Variants in ADARB2 observed in about 807,000 individuals in gnomAD.
ADARB2 encodes inactive double-stranded RNA-specific editase B2.
ADARB2 carries 25 observed loss-of-function variants against 62.2 expected under a neutral mutation model. That is an observed-to-expected ratio of 0.40 (90% CI 0.29 to 0.56). The LOEUF (loss-of-function observed/expected upper bound fraction) is 0.56, where lower values mean the gene tolerates loss of function less well. ADARB2 is among the 20% of genes least tolerant of loss of function. The probability of loss-of-function intolerance (pLI) is 0.43; values close to 1 mark genes in which losing one functional copy is unlikely to be tolerated. For missense variants in ADARB2, 1,071 were observed against 1,077.4 expected (o/e 0.99, Z 0.08); for synonymous variants, 572 against 500.8 (o/e 1.14, Z -1.90).
intron 3 of ADARB2, among the ~76,000 whole-genome samples, chr10:1,324,140 T>A (rs1020524314): frequency 6.6e-6 from 1 of 152,196 alleles, no homozygotes; most frequent in South Asian, 2.1e-4. Flanking sequence ...GATAGGCACA[T>A]GATAAGATGC....
chr10:1,720,174 CTG>C (rs894136029), intron 1 of ADARB2, among the ~76,000 whole-genome samples: 2 of 152,204 alleles, frequency 1.3e-5, no homozygotes, highest in African/African-American at 4.8e-5. Context: ...TCCACATACA[CTG>C]TGGAATATAA....
chr10:1,621,200 GA>G (rs1833700199), intron 1 of ADARB2, among the ~76,000 whole-genome samples: 1 of 152,146 alleles, frequency 6.6e-6, no homozygotes, highest in South Asian at 2.1e-4. Context: ...TAGATGACAT[GA>G]ACATCTATGT....
intron 4 of ADARB2, among the ~76,000 whole-genome samples, chr10:1,268,957 ATT>A (rs1237468964): frequency 2.0e-5 from 3 of 152,188 alleles, no homozygotes; most frequent in Non-Finnish European, 2.9e-5. Flanking sequence ...AACTTGCCAG[ATT>A]TGTTTCCCAG....
chr10:1,425,164 T>G (rs1455361076), intron 1 of ADARB2, among the ~76,000 whole-genome samples: 1 of 152,142 alleles, frequency 6.6e-6, no homozygotes, highest in Non-Finnish European at 1.5e-5. Context: ...TGGTCAAAGG[T>G]AACAAGCATT....
At chr10:1,681,194 T>C (rs563910530) in intron 1 of ADARB2, among the ~76,000 whole-genome samples, 127 of 152,352 alleles carry the variant, frequency 8.3e-4, no homozygotes, top group Non-Finnish European at 1.4e-3. Context: ...CAACTCTTTT[T>C]TAGCTGATTT....
At chr10:1,312,062 A>C (rs758668885) in intron 3 of ADARB2, among the ~76,000 whole-genome samples, 127 of 152,338 alleles carry the variant, frequency 8.3e-4, no homozygotes, top group Non-Finnish European at 4.0e-4. Flanking sequence ...AAATAAACTC[A>C]TGTGAAAATA....
rs950277767 is a variant in ADARB2, at chr10:1,242,297, G to T, written c.1195C>A (p.Leu399Met). 4.5e-6 allele frequency: 7 copies of T among 1,555,118 alleles called. No individual in the cohort carries two copies. The highest frequency in any genetic ancestry group is 6.1e-6 in the Non-Finnish European group (7 of 1,151,578). Residue 399 changes from leucine (L) to methionine (M), a missense_variant and splice_region_variant, in exon 5 of 10, where the codon CTG (leucine) becomes ATG (methionine). Leu to Met is a conservative substitution (Grantham distance 15). Coordinates refer to ENST00000381312, the MANE Select transcript of ADARB2 (RefSeq NM_018702.4). ...ACGACCTGCGCCTGCCGAGCATCCA[G>T]GCCTGGGGACACAGATAGCATCAGA... The part of the protein sequence containing the change: ...ALAGIVMTKG[L>M]DARQAQVVAL...
chr10:1,382,265 A>C (rs1432169876), intron 1 of ADARB2, among the ~76,000 whole-genome samples: 1 of 152,244 alleles, frequency 6.6e-6, no homozygotes, highest in Non-Finnish European at 1.5e-5. Flanking sequence ...AGTGGACTTC[A>C]GATTTCATGG....
At chr10:1,367,868 T>G (rs771668895) in intron 2 of ADARB2, among the ~76,000 whole-genome samples, 3 of 152,264 alleles carry the variant, frequency 2.0e-5, no homozygotes, top group Non-Finnish European at 4.4e-5. Flanking sequence ...TGACTCAATG[T>G]CCTACGACTC....
intron 1 of ADARB2, among the ~76,000 whole-genome samples, chr10:1,394,284 A>G (rs987670427): frequency 1.3e-5 from 2 of 152,158 alleles, no homozygotes; most frequent in African/African-American, 4.8e-5. Context: ...TCCTGTGAAG[A>G]TGCAGTGTGT....
intron 3 of ADARB2, among the ~76,000 whole-genome samples, chr10:1,341,257 C>T (rs1832024067): frequency 6.6e-6 from 1 of 151,398 alleles, no homozygotes; most frequent in Non-Finnish European, 1.5e-5. Flanking sequence ...CACCAGAGAA[C>T]CACATGCCCC....
Position 1,492,992 on chromosome 10 carries a change from C to A in ADARB2, c.101-113832G>T, listed in dbSNP as rs143559935. ...CCACACGAAATGCTCCCAAGAAGGA[C>A]TGTGACTTTAAAACCCTAAAAGGGA... On this transcript the variant is annotated intron_variant, in intron 1 of 9. Transcript: ENST00000381312. 2.2e-3 allele frequency among the ~76,000 whole-genome samples: 338 copies of A among 152,328 alleles called. 3 individuals are homozygous for A. The highest frequency in any genetic ancestry group is 7.1e-3 in the African/African-American group (297 of 41,568).
chr10:1,363,709 C>A lies in ADARB2; in HGVS notation c.396G>T (p.Gln132His). ...GCAGGCCCGGCCTCAGCTCGTGCAG[C>A]TGCACCAGCGCGTTCTTGGGCGCCA... is the stretch of plus-strand genomic sequence containing the variant. ...WSVAPKNALV[Q>H]LHELRPGLQY... is the part of the protein sequence containing the mutation. Residue 132 changes from glutamine to histidine, a missense_variant, in exon 3 of 10, where the codon CAG (glutamine) becomes CAT (histidine). Coordinates refer to ENST00000381312, the MANE Select transcript of ADARB2 (RefSeq NM_018702.4). The A allele has an allele frequency of 6.2e-7, 1 of 1,611,696 alleles. No homozygotes were observed. Among genetic ancestry groups the A allele is most frequent in the Non-Finnish European group, 8.5e-7 (1 of 1,179,492 alleles).
intron 1 of ADARB2, among the ~76,000 whole-genome samples, chr10:1,651,843 AC>A (rs61446089): frequency 0.94 from 142,835 of 151,944 alleles, 67,317 homozygotes; most frequent in Non-Finnish European, 0.98. Context: ...GGCTCTTCTC[AC>A]CCCCACACGA....
In ADARB2 at chr10:1,286,001, C is replaced by T. The variant is rs569667037; in HGVS notation, c.1078-14932G>A. Among the ~76,000 whole-genome samples the T allele has an allele frequency of 2.0e-3, 297 of 145,488 alleles. 1 individual carries two copies. The highest frequency in any genetic ancestry group is 4.0e-3 in the Admixed American group (57 of 14,144). ...AGATTTGCACGTGGGTGGGGCAATG[C>T]GGAATCCAGGACCGTTGCCCCGAGT... On this transcript the variant is annotated intron_variant, in intron 3 of 9. Coordinates refer to ENST00000381312, the MANE Select transcript of ADARB2 (RefSeq NM_018702.4).
intron 1 of ADARB2, among the ~76,000 whole-genome samples, chr10:1,379,380 C>G (rs562560911): frequency 6.6e-6 from 1 of 152,232 alleles, no homozygotes; most frequent in East Asian, 1.9e-4. Flanking sequence ...CCTTCTTTCT[C>G]CTTCTCTTAT....
intron 1 of ADARB2, among the ~76,000 whole-genome samples, chr10:1,571,348 C>G (rs779398550): frequency 2.0e-5 from 3 of 151,258 alleles, no homozygotes; most frequent in Non-Finnish European, 4.4e-5. Context: ...AAAATATTTG[C>G]TTGGTGCTTG....
chr10:1,444,643 T>G (rs1830945951), intron 1 of ADARB2, among the ~76,000 whole-genome samples: 1 of 150,352 alleles, frequency 6.7e-6, no homozygotes, highest in South Asian at 2.1e-4. Flanking sequence ...TGTCTATCCA[T>G]CCACCCACCC....
intron 1 of ADARB2, among the ~76,000 whole-genome samples, chr10:1,621,847 T>A (rs1833707514): frequency 1.3e-5 from 2 of 152,214 alleles, no homozygotes; most frequent in South Asian, 4.1e-4. Flanking sequence ...CCCAGGATTT[T>A]TTTTGTAGAG....
Sources: gnomAD v4.1 joint callset for allele counts (sites outside exome capture counted in the v4.1 genomes callset) on GRCh38, gnomAD v4.1.1 for gene constraint, MANE v1.5 for transcripts, NCBI Gene and HGNC (gene_info 2026-07-23, HGNC 2026-07-21) for gene names.